GPA33: variants seen among roughly 807,000 people sequenced by gnomAD.
GPA33 encodes the protein cell surface A33 antigen.
A neutral mutation model predicts 35.6 loss-of-function variants in GPA33; 27 were observed. The ratio of observed to expected loss-of-function variants is 0.76; its 90% CI spans 0.56 to 1.04. GPA33 has a LOEUF of 1.04. GPA33 is among the 50% of genes least tolerant of loss of function. GPA33 has a pLI of 0.00. For missense variants in GPA33, 428 were observed against 411.9 expected (o/e 1.04, Z -0.34); for synonymous variants, 176 against 164.0 (o/e 1.07, Z -0.56).
At chr1:167,061,792 C>T (rs1037806148) in intron 4 of GPA33, among the ~76,000 whole-genome samples, 66 of 151,884 alleles carry the variant, frequency 4.3e-4, no homozygotes, top group Middle Eastern at 3.2e-3. Flanking sequence ...TTAGTAGAGA[C>T]GGGGTTTCAC....
At chr1:167,082,845 G>A (rs1207839092) in intron 1 of GPA33, among the ~76,000 whole-genome samples, 1 of 152,176 alleles carries the variant, frequency 6.6e-6, no homozygotes, top group African/African-American at 2.4e-5. Flanking sequence ...ACTCACCAGG[G>A]CAGAAAATGA....
chr1:167,063,647 G>C lies in GPA33; in HGVS notation c.506C>G (p.Pro169Arg). ...QLTCQSKEGSPTPQYSWKRYN... is the reference protein window; with the variant it reads ...QLTCQSKEGSRTPQYSWKRYN... ...CCTCTTCCAGCTGTACTGAGGGGTTGGTGAGCCCTCCTTTGATTGGCAGGT... is the reference window on the plus strand; with the variant it reads ...CCTCTTCCAGCTGTACTGAGGGGTTCGTGAGCCCTCCTTTGATTGGCAGGT... The change falls in exon 4 of 7, where the codon CCA (proline) becomes CGA (arginine). Residue 169 changes from proline to arginine, a missense_variant. Transcript: ENST00000367868. The C allele has an allele frequency of 6.2e-7, 1 of 1,613,624 alleles. No individual in the cohort carries two copies. Among genetic ancestry groups the C allele is most frequent in the Non-Finnish European group, 8.5e-7 (1 of 1,179,854 alleles).
At chr1:167,064,687 C>G (rs971509732) in intron 3 of GPA33, among the ~76,000 whole-genome samples, 2 of 152,118 alleles carry the variant, frequency 1.3e-5, no homozygotes, top group Admixed American at 1.3e-4. Context: ...GTTTGCCTAC[C>G]CCTGAACTAA....
chr1:167,073,444 T>G lies in GPA33; in HGVS notation c.139A>C (p.Thr47Pro), dbSNP rs1454703591. The change falls in exon 2 of 7, where the codon ACT becomes CCT. Residue 47 changes from threonine (T) to proline (P), a missense_variant. Transcript: ENST00000367868. The stretch of plus-strand genomic sequence containing the variant: ...AGTCCCTCTCGACTGGAGGTGGAAG[T>G]GTGGTAGGTGCAGGGCAGGGTGACA... ...KSVTLPCTYH[T>P]STSSREGLIQ... 1 of 1,613,272 alleles carries G rather than the reference T, an allele frequency of 6.2e-7. No homozygotes were observed. The highest frequency in any genetic ancestry group is 8.5e-7 in the Non-Finnish European group (1 of 1,179,488).
intron 4 of GPA33, among the ~76,000 whole-genome samples, chr1:167,061,586 GTTTTTTTT>G (rs397981830): frequency 2.7e-5 from 2 of 74,626 alleles, no homozygotes; most frequent in African/African-American, 1.1e-4. Flanking sequence ...TCTACTAACT[GTTTTTTTT>G]TTTTTTTTTT....
At chr1:167,068,883 C>T in intron 3 of GPA33, 39 bp downstream of exon 3, 1 of 1,527,886 alleles carries the variant, frequency 6.5e-7, no homozygotes, top group Admixed American at 1.7e-5. Flanking sequence ...ACCTGCCCAC[C>T]CTCTTCCTAC....
rs529938584 is a variant in GPA33 at position 167,089,248 on chromosome 1, C to T, written c.43+997G>A. Among the ~76,000 whole-genome samples, 68 of 152,264 alleles carry T rather than the reference C, an allele frequency of 4.5e-4. 1 individual carries two copies. Among genetic ancestry groups the T allele is most frequent in the African/African-American group, 1.5e-3 (61 of 41,550 alleles). ...TGGGAGAACCAGAATGAGCTGTAGGCCCCGTGGCCCGGGGCTTTCCTGTGT... is the reference window on the plus strand; with the variant it reads ...TGGGAGAACCAGAATGAGCTGTAGGTCCCGTGGCCCGGGGCTTTCCTGTGT... On this transcript the variant is annotated intron_variant, in intron 1 of 6. Transcript: ENST00000367868.
At chr1:167,080,245 G>A (rs965059257) in intron 1 of GPA33, among the ~76,000 whole-genome samples, 5 of 152,094 alleles carry the variant, frequency 3.3e-5, no homozygotes, top group East Asian at 1.9e-4. Flanking sequence ...AGCATCCATC[G>A]GATAAGCTAA....
chr1:167,086,357 C>G (rs1344250733), intron 1 of GPA33, among the ~76,000 whole-genome samples: 1 of 152,266 alleles, frequency 6.6e-6, no homozygotes, highest in African/African-American at 2.4e-5. Flanking sequence ...CACCCCGGCT[C>G]TGGCCCAAAT....
chr1:167,054,456 CT>C lies in GPA33; in HGVS notation c.837del (p.Ala280ProfsTer9), dbSNP rs776512239. ...AGCTGCTCTGGTGGCTCCTCATAGG[CT>C]TCCCGGTTCCTGCAGGGCAGCAGGG... is the stretch of plus-strand genomic sequence containing the variant. The part of the protein sequence containing the change: ...EDKEDARPNR[E>X]AYEEPPEQLR... On this transcript the variant is annotated frameshift_variant, in exon 7 of 7. Coordinates refer to ENST00000367868, the MANE Select transcript of GPA33 (RefSeq NM_005814.3). LOFTEE classifies it low-confidence loss of function (END_TRUNC). 3 of 1,614,002 alleles carry C rather than the reference CT, an allele frequency of 1.9e-6. No homozygotes were observed. In the African/African-American group the frequency reaches 4.0e-5, roughly 22 times the overall value.
chr1:167,087,245 C>T (rs1217327682), intron 1 of GPA33, among the ~76,000 whole-genome samples: 1 of 131,984 alleles, frequency 7.6e-6, no homozygotes, highest in Admixed American at 7.4e-5. Flanking sequence ...TCACCAAAGT[C>T]TACTAATTTT....
chr1:167,072,935 G>A (rs1021052622), intron 2 of GPA33, among the ~76,000 whole-genome samples: 2 of 151,812 alleles, frequency 1.3e-5, no homozygotes, highest in African/African-American at 4.8e-5. Flanking sequence ...GGATGGGAAT[G>A]AGCCTTCTCA....
At chr1:167,064,359 G>A (rs968855889) in intron 3 of GPA33, among the ~76,000 whole-genome samples, 3 of 152,084 alleles carry the variant, frequency 2.0e-5, no homozygotes, top group African/African-American at 4.8e-5. Flanking sequence ...GGCCCAGAGA[G>A]GACACTTGCT....
intron 1 of GPA33, among the ~76,000 whole-genome samples, chr1:167,083,778 T>A (rs1571320475): frequency 6.6e-6 from 1 of 151,396 alleles, no homozygotes; most frequent in East Asian, 1.9e-4. Flanking sequence ...GGTCAGGGGG[T>A]GGCAGAAGGC....
intron 4 of GPA33, among the ~76,000 whole-genome samples, chr1:167,056,625 T>A (rs567213845): frequency 3.4e-4 from 26 of 75,444 alleles, no homozygotes; most frequent in Admixed American, 6.7e-4. Flanking sequence ...GTGTGGTGAG[T>A]GTGTGATGTG....
chr1:167,062,171 ATTTAT>A lies in GPA33; in HGVS notation c.571+1406_571+1410del, dbSNP rs200118059. ...TGTCTTTCTTTTTAAAAAATATTTT[ATTTAT>A]TTTATTTTATTTTACTTTATTTTAT... is the stretch of plus-strand genomic sequence containing the variant. On this transcript the variant is annotated intron_variant, in intron 4 of 6. Transcript: ENST00000367868. Among the ~76,000 whole-genome samples, 5 of 151,406 alleles carry A rather than the reference ATTTAT, an allele frequency of 3.3e-5. 1 individual carries two copies. The East Asian group carries it at 5.8e-4, about 18-fold the overall frequency.
At position 167,055,019 on chromosome 1, in the gene GPA33, G is replaced by GGCA; in HGVS notation, c.781_783dup (p.Cys261dup). ...TCTTCAGTGTTGTCGTCCTTCCCTC[G>GGCA]GCAGCAGCAGCAGTAGATGATGATG... On this transcript the variant is annotated inframe_insertion, in exon 6 of 7. Coordinates refer to ENST00000367868, the MANE Select transcript of GPA33 (RefSeq NM_005814.3). 6.2e-7 allele frequency: 1 copy of GGCA among 1,613,892 alleles called. No homozygotes were observed. Among genetic ancestry groups the GGCA allele is most frequent in the Non-Finnish European group, 8.5e-7 (1 of 1,179,988 alleles).
At chr1:167,066,144 C>T (rs1666588497) in intron 3 of GPA33, among the ~76,000 whole-genome samples, 2 of 152,196 alleles carry the variant, frequency 1.3e-5, no homozygotes, top group Admixed American at 1.3e-4. Context: ...GCGGGCAAAA[C>T]ACCAATCCCA....
At chr1:167,055,458 G>A (rs556335828) in intron 5 of GPA33, among the ~76,000 whole-genome samples, 57 of 152,300 alleles carry the variant, frequency 3.7e-4, no homozygotes, top group African/African-American at 1.2e-3. Context: ...CGCCCACCGA[G>A]TGGTTCCTAG....
Sources: gnomAD v4.1 joint callset for allele counts (sites outside exome capture counted in the v4.1 genomes callset) on GRCh38, gnomAD v4.1.1 for gene constraint, MANE v1.5 for transcripts, NCBI Gene and HGNC (gene_info 2026-07-23, HGNC 2026-07-21) for gene names.